MAST4: variants seen among roughly 807,000 people sequenced by gnomAD.
MAST4 encodes the protein microtubule-associated serine/threonine-protein kinase 4.
Under a neutral mutation model 162.7 loss-of-function variants are expected in MAST4, and 89 were observed. The ratio of observed to expected loss-of-function variants is 0.55; its 90% CI spans 0.46 to 0.65. The LOEUF is 0.65. Ranked by LOEUF, MAST4 falls within the 30% of genes least tolerant of loss-of-function variation. The pLI is 0.00. For synonymous variants in MAST4, 1,479 were observed against 1,361.1 expected, an observed-to-expected ratio of 1.09 and a Z score of -1.91; for missense variants, 3,153 against 3,374.0, an observed-to-expected ratio of 0.93 and a Z score of 1.62.
intron 4 of MAST4, among the ~76,000 whole-genome samples, chr5:66,979,379 GA>G (rs906716698): frequency 6.0e-4 from 90 of 151,068 alleles, no homozygotes; most frequent in African/African-American, 1.7e-3. Context: ...TCTGGACTAA[GA>G]AAAAAAAATA....
chr5:66,596,793 A>G lies in MAST4; in HGVS notation c.138A>G (p.Glu46=). 7.4e-7 allele frequency: 1 copy of G among 1,350,834 alleles called. No individual in the cohort carries two copies. The highest frequency in any genetic ancestry group is 9.5e-7 in the Non-Finnish European group (1 of 1,048,824). 83.7% of individuals were successfully genotyped at this position (1,350,834 alleles called of 1,614,324 possible). The stretch of plus-strand genomic sequence containing the variant: ...CGGCCGAGTCCTCCTCGGGCTCAGA[A>G]ACTCTGTCGGAGGAAGGGGAGCCCG... ...ASSAESSSGS[E]TLSEEGEPGG... is the part of the protein sequence containing the mutation. Residue 46 remains glutamate, a synonymous_variant, in exon 1 of 29, where the codon GAA becomes GAG. Transcript: ENST00000403625.
Position 66,596,865 on chromosome 5 carries a change from AG to A in MAST4, c.212del (p.Gly71AlafsTer79). ...AGCCGCCGCCGCCGCCGCCGTTGGG[AG>A]GCACCCTGGGCGCCCGGGCGCCCGC... The part of the protein sequence containing the change: ...HQPPPPPPLG[G>X]TLGARAPAAW... On this transcript the variant is annotated frameshift_variant, in exon 1 of 29. Coordinates refer to ENST00000403625, the MANE Select transcript of MAST4 (RefSeq NM_001164664.2). LOFTEE classifies it high-confidence loss of function. 7.9e-7 allele frequency: 1 copy of A among 1,268,202 alleles called. No homozygotes were observed. The highest frequency in any genetic ancestry group is 9.9e-7 in the Non-Finnish European group (1 of 1,006,454). The allele number at this position is 1,268,202 out of a possible 1,614,324, so 78.6% of individuals were successfully genotyped here. A position where few individuals can be genotyped will look rare whatever the true frequency, so the allele number is the denominator to read the frequency against.
At chr5:66,858,715 A>C (rs1286722582) in intron 3 of MAST4, among the ~76,000 whole-genome samples, 1 of 152,194 alleles carries the variant, frequency 6.6e-6, no homozygotes, top group African/African-American at 2.4e-5. Flanking sequence ...AAACATATCT[A>C]CTTATAATTT....
chr5:67,037,642 T>G (rs1313581078), intron 4 of MAST4, among the ~76,000 whole-genome samples: 2 of 152,186 alleles, frequency 1.3e-5, no homozygotes, highest in African/African-American at 4.8e-5. Context: ...TTCTCCTGGA[T>G]GAGCTAGAGA....
intron 1 of MAST4, among the ~76,000 whole-genome samples, chr5:66,612,731 T>TA (rs930835220): frequency 3.3e-5 from 5 of 152,174 alleles, no homozygotes; most frequent in African/African-American, 1.2e-4. Context: ...CCTGATGGAT[T>TA]TTCCATGGTG....
chr5:67,081,905 C>T (rs896623585), intron 5 of MAST4, among the ~76,000 whole-genome samples: 4 of 151,994 alleles, frequency 2.6e-5, no homozygotes, highest in Admixed American at 6.6e-5. Flanking sequence ...GGATTAATCA[C>T]AAAGGGAAAA....
At chr5:67,090,909 C>T (rs1330936638) in intron 6 of MAST4, among the ~76,000 whole-genome samples, 1 of 152,034 alleles carries the variant, frequency 6.6e-6, no homozygotes, top group Non-Finnish European at 1.5e-5. Context: ...CAATCCTTCA[C>T]CTTCCTGGGC....
chr5:67,102,704 TC>T, intron 9 of MAST4, 93 bp downstream of exon 9: 1 of 925,734 alleles, frequency 1.1e-6, no homozygotes. Context: ...GAAGTAAGGG[TC>T]CAATCTAGTA....
At chr5:67,044,322 C>T (rs566822298) in intron 4 of MAST4, among the ~76,000 whole-genome samples, 13 of 152,248 alleles carry the variant, frequency 8.5e-5, no homozygotes, top group South Asian at 8.3e-4. Flanking sequence ...ACATGACCTG[C>T]GCCAATGACC....
At chr5:66,828,675 A>C (rs1026004213) in intron 3 of MAST4, 3 of 887,176 alleles carry the variant, frequency 3.4e-6, no homozygotes, top group Non-Finnish European at 5.1e-6. Context: ...GTGATCTCCG[A>C]AGTTGCTGGA....
intron 4 of MAST4, among the ~76,000 whole-genome samples, chr5:67,012,231 T>C (rs539792923): frequency 3.0e-4 from 46 of 152,278 alleles, no homozygotes; most frequent in African/African-American, 1.1e-3. Flanking sequence ...GATTGACAGG[T>C]GTTGGGGTCA....
intron 4 of MAST4, among the ~76,000 whole-genome samples, chr5:67,054,185 G>T (rs1758524131): frequency 6.6e-6 from 1 of 152,186 alleles, no homozygotes; most frequent in African/African-American, 2.4e-5. Flanking sequence ...CACTGGTGGT[G>T]AGGAATATTG....
At chr5:66,926,183 A>C (rs1195981090) in intron 4 of MAST4, among the ~76,000 whole-genome samples, 1 of 152,196 alleles carries the variant, frequency 6.6e-6, no homozygotes, top group East Asian at 1.9e-4. Context: ...CTTATGTCAC[A>C]GCCTTATTGG....
chr5:66,719,291 A>G (rs926719464), intron 1 of MAST4, among the ~76,000 whole-genome samples: 1 of 152,196 alleles, frequency 6.6e-6, no homozygotes, highest in Admixed American at 6.5e-5. Flanking sequence ...TTTTGGAGGA[A>G]ATATAAACTA....
intron 3 of MAST4, among the ~76,000 whole-genome samples, chr5:66,864,489 T>C (rs1760349979): frequency 1.3e-5 from 2 of 151,882 alleles, no homozygotes; most frequent in South Asian, 4.2e-4. Flanking sequence ...AGGGGAGGTA[T>C]GGGAGGAAAG....
At chr5:66,623,762 A>C (rs1252832093) in intron 1 of MAST4, among the ~76,000 whole-genome samples, 1 of 152,248 alleles carries the variant, frequency 6.6e-6, no homozygotes, top group Non-Finnish European at 1.5e-5. Flanking sequence ...TGGAAGTCCT[A>C]GGCAGAGAAA....
intron 5 of MAST4, among the ~76,000 whole-genome samples, chr5:67,089,816 G>A (rs1026534534): frequency 1.3e-5 from 2 of 152,146 alleles, no homozygotes; most frequent in African/African-American, 2.4e-5. Flanking sequence ...TGAAATGTTC[G>A]CATCTGGAGG....
chr5:66,918,341 A>G (rs1374771350), intron 4 of MAST4, among the ~76,000 whole-genome samples: 1 of 152,200 alleles, frequency 6.6e-6, no homozygotes, highest in Non-Finnish European at 1.5e-5. Context: ...GAAGTGCACA[A>G]TACACCATGT....
chr5:66,697,511 C>A (rs1412979728), intron 1 of MAST4, among the ~76,000 whole-genome samples: 2 of 152,126 alleles, frequency 1.3e-5, no homozygotes, highest in East Asian at 3.9e-4. Flanking sequence ...AAGTCTGTTA[C>A]AATAGTCCTT....
Sources: gnomAD v4.1 joint callset for allele counts (sites outside exome capture counted in the v4.1 genomes callset) on GRCh38, gnomAD v4.1.1 for gene constraint, MANE v1.5 for transcripts, NCBI Gene and HGNC (gene_info 2026-07-23, HGNC 2026-07-21) for gene names.